PDE4C: variants seen among roughly 807,000 people sequenced by gnomAD.
PDE4C encodes 3',5'-cyclic-AMP phosphodiesterase 4C.
PDE4C carries 50 observed loss-of-function variants against 63.9 expected under a neutral mutation model. That is an observed-to-expected ratio of 0.78 (90% CI 0.62 to 0.99). The LOEUF is 0.99. PDE4C is among the 50% of genes least tolerant of loss of function. PDE4C has a pLI of 0.00. For synonymous variants in PDE4C, 377 were observed against 385.1 expected, an observed-to-expected ratio of 0.98 and a Z score of 0.25; for missense variants, 777 against 899.1, an observed-to-expected ratio of 0.86 and a Z score of 1.74.
intron 1 of PDE4C, among the ~76,000 whole-genome samples, chr19:18,238,918 G>A (rs991460162): frequency 5.9e-5 from 9 of 151,890 alleles, no homozygotes; most frequent in Non-Finnish European, 1.3e-4. Context: ...TTGAACCCGG[G>A]AGGCGGAGGC....
chr19:18,232,943 C>T (rs981847444), intron 1 of PDE4C: 25 of 1,446,146 alleles, frequency 1.7e-5, no homozygotes, highest in Admixed American at 2.8e-5. Flanking sequence ...CTGCCCCGGC[C>T]ACCTACCGCC....
At chr19:18,244,898 C>A (rs929401141) in intron 1 of PDE4C, among the ~76,000 whole-genome samples, 1 of 151,578 alleles carries the variant, frequency 6.6e-6, no homozygotes, top group African/African-American at 2.4e-5. Flanking sequence ...TGCAGTGGCG[C>A]GATATTGTCT....
chr19:18,241,841 C>T (rs573577344), intron 1 of PDE4C, among the ~76,000 whole-genome samples: 10 of 152,304 alleles, frequency 6.6e-5, no homozygotes, highest in African/African-American at 1.4e-4. Context: ...TGAGCCATGG[C>T]GCTGGGCTTG....
chr19:18,242,785 C>A (rs867532558), intron 1 of PDE4C, among the ~76,000 whole-genome samples: 408 of 109,150 alleles, frequency 3.7e-3, no homozygotes, highest in Middle Eastern at 0.013. Context: ...ACTTTCACCT[C>A]AAAAAAAAAA....
chr19:18,216,959 G>A, intron 11 of PDE4C, 64 bp from the exon 12 acceptor site: 1 of 1,519,528 alleles, frequency 6.6e-7, no homozygotes, highest in Non-Finnish European at 8.8e-7. Context: ...CCCAAAAGCA[G>A]CTTTTGGAAA....
intron 1 of PDE4C, among the ~76,000 whole-genome samples, chr19:18,241,271 T>G (rs1271758495): frequency 5.9e-5 from 6 of 102,062 alleles, no homozygotes; most frequent in Non-Finnish European, 1.2e-4. Flanking sequence ...TTTTTTTTTT[T>G]TTTTTTTTTT....
chr19:18,220,114 G>GGTGTCT lies in PDE4C; in HGVS notation c.706+106_706+111dup. On this transcript the variant is annotated intron_variant, in intron 7 of 14. Coordinates refer to ENST00000262805, the Ensembl canonical transcript of PDE4C. This position sits in a 1 kb window ranked among gnomAD's most constrained non-coding sequence, Gnocchi z 5.1. ...CCAGCCCTGACTCATGGGGGCTGAA[G>GGTGTCT]GTGTCTGTGTCTGGCTGTATCTCCC... 1 of 837,470 alleles carries GGTGTCT rather than the reference G, an allele frequency of 1.2e-6. No homozygotes were observed. Among genetic ancestry groups the GGTGTCT allele is most frequent in the Non-Finnish European group, 2.0e-6 (1 of 493,158 alleles). The allele number at this position is 837,470 out of a possible 1,614,324, so 51.9% of individuals were successfully genotyped here.
chr19:18,222,271 ACT>A lies in PDE4C; in HGVS notation c.197_198del (p.Gln66LeufsTer28), dbSNP rs1457775354. ...ATAATCCGGCCCAGGCCAGGGCTGG[ACT>A]GAGGGTCCAGGGCCCTCCTCCCACA... On this transcript the variant is annotated frameshift_variant, in exon 2 of 15. Transcript: ENST00000262805. LOFTEE classifies it high-confidence loss of function. 4 of 1,613,860 alleles carry A rather than the reference ACT, an allele frequency of 2.5e-6. No individual in the cohort carries two copies. The highest frequency in any genetic ancestry group is 3.4e-6 in the Non-Finnish European group (4 of 1,179,958).
downstream of PDE4C, chr19:18,208,018 A>T (rs889465402): frequency 3.9e-5 from 6 of 152,114 alleles, no homozygotes; most frequent in Non-Finnish European, 7.3e-5. Flanking sequence ...TTATTTCCAA[A>T]TTTTTTACAG....
rs1419847622 is a variant in PDE4C at position 18,220,769 on chromosome 19, G to A, written c.499+105C>T. 6 of 1,132,542 alleles carry A rather than the reference G, an allele frequency of 5.3e-6. No individual in the cohort carries two copies. The highest frequency in any genetic ancestry group is 2.6e-5 in the South Asian group (2 of 76,448). The allele number at this position is 1,132,542 out of a possible 1,614,324, so 70.2% of individuals were successfully genotyped here. A position where few individuals can be genotyped will look rare whatever the true frequency, so the allele number is the denominator to read the frequency against. On this transcript the variant is annotated intron_variant, in intron 5 of 14. Coordinates refer to ENST00000262805, the Ensembl canonical transcript of PDE4C. The surrounding 1 kb of genome is among the most constrained non-coding windows in gnomAD (Gnocchi z 5.1). ...GCGTTATTGTTTTTGCAGGGGCGGG[G>A]CTACAATTAGCCCCAGTATAAGGGG...
rs182916479 is a variant in PDE4C, at chr19:18,248,163, G to A, written c.-210+8C>T. 1,234 of 456,304 alleles carry A rather than the reference G, an allele frequency of 2.7e-3. 10 individuals carry two copies. Among genetic ancestry groups the A allele is most frequent in the Non-Finnish European group, 4.1e-3 (923 of 226,732 alleles). The allele number at this position is 456,304 out of a possible 1,614,324, so 28.3% of individuals were successfully genotyped here. On this transcript the variant is annotated splice_region_variant and intron_variant, in intron 1 of 15. Transcript: ENST00000594617. ...GCTCCAGGAGGCCCAGGCATGTCTG[G>A]CACTTACCACCACTGCGGAGTCCTG...
chr19:18,251,379 G>A (rs1232838725), upstream of PDE4C, among the ~76,000 whole-genome samples: 1 of 151,158 alleles, frequency 6.6e-6, no homozygotes, highest in Admixed American at 6.6e-5. Flanking sequence ...TCCCACCTTG[G>A]CCTCCCAAAG....
At chr19:18,227,994 C>T (rs958076333), upstream of PDE4C, among the ~76,000 whole-genome samples, 1 of 152,142 alleles carries the variant, frequency 6.6e-6, no homozygotes, top group African/African-American at 2.4e-5. Flanking sequence ...CAGGAAGCCC[C>T]CCTAACCCCC....
chr19:18,252,207 G>C (rs1485011290), upstream of PDE4C: 3 of 399,028 alleles, frequency 7.5e-6, no homozygotes, highest in African/African-American at 2.1e-5. Flanking sequence ...TGCACTGGGG[G>C]AGCCAGAACT....
In PDE4C at chr19:18,220,258, T is replaced by C. The variant is rs756405551; in HGVS notation, c.674A>G (p.Gln225Arg). 8 of 1,614,006 alleles carry C rather than the reference T, an allele frequency of 5.0e-6. No individual in the cohort carries two copies. Among genetic ancestry groups the C allele is most frequent in the Non-Finnish European group, 5.9e-6 (7 of 1,180,028 alleles). Residue 225 changes from glutamine (Q) to arginine (R), a missense_variant, in exon 7 of 15, where the codon CAG (glutamine) becomes CGG (arginine). Gln to Arg is a conservative substitution (Grantham distance 43). Transcript: ENST00000262805. This position sits in a 1 kb window ranked among gnomAD's most constrained non-coding sequence, Gnocchi z 5.1. ...GGTCCGGGAGATGTACTCGGACACC[T>C]GGTTCCCGGAGCGGCTGGTTTCGGA...
At position 18,222,657 on chromosome 19, in the gene PDE4C, TTC is replaced by T. The variant is rs138832810; in HGVS notation, c.147-336_147-335del. ...CTTTTTTTTTTTTCTTTCTCGTTCT[TTC>T]TCTCTCTCTCTCTCTCTCTCTCTCT... On this transcript the variant is annotated intron_variant, in intron 1 of 14. Coordinates refer to ENST00000262805, the Ensembl canonical transcript of PDE4C. Among the ~76,000 whole-genome samples, 504 of 82,388 alleles carry T rather than the reference TTC, an allele frequency of 6.1e-3. 4 individuals carry two copies. Among genetic ancestry groups the T allele is most frequent in the East Asian group, 0.015 (38 of 2,512 alleles). The allele number at this position is 82,388 out of a possible 152,430, so 54.0% of individuals were successfully genotyped here.
At chr19:18,219,122 C>T in intron 8 of PDE4C, 84 bp from the exon 9 acceptor site, 1 of 1,580,614 alleles carries the variant, frequency 6.3e-7, no homozygotes, top group Non-Finnish European at 8.7e-7. Flanking sequence ...CCCCAGGTTC[C>T]ACAGTGAGCC....
At chr19:18,216,001 TG>T (rs1485547286) in intron 12 of PDE4C, among the ~76,000 whole-genome samples, 1 of 151,758 alleles carries the variant, frequency 6.6e-6, no homozygotes, top group Non-Finnish European at 1.5e-5. Context: ...GGCTAATTTT[TG>T]TATTTTTAGT....
At chr19:18,228,909 ATTTAT>A (rs552298956), upstream of PDE4C, among the ~76,000 whole-genome samples, 5 of 151,858 alleles carry the variant, frequency 3.3e-5, no homozygotes, top group African/African-American at 7.3e-5. Context: ...TGGTGCCTTT[ATTTAT>A]TTTATTTTAT....
Sources: gnomAD v4.1 joint callset for allele counts (sites outside exome capture counted in the v4.1 genomes callset) on GRCh38, gnomAD v4.1.1 for gene constraint, Gnocchi (gnomAD v3.1) non-coding constraint, MANE v1.5 for transcripts, NCBI Gene and HGNC (gene_info 2026-07-23, HGNC 2026-07-21) for gene names.